UBE2E2: variants seen among roughly 807,000 people sequenced by gnomAD.
UBE2E2 encodes the protein ubiquitin-conjugating enzyme E2 E2.
A neutral mutation model predicts 24.7 loss-of-function variants in UBE2E2; 6 were observed. The ratio of observed to expected loss-of-function variants is 0.24; its 90% CI spans 0.13 to 0.48. The LOEUF is 0.48. Ranked by LOEUF, UBE2E2 falls within the 20% of genes least tolerant of loss-of-function variation. The pLI is 0.99. For missense variants in UBE2E2, 169 were observed against 245.0 expected (o/e 0.69, Z 2.07); for synonymous variants, 104 against 83.6 (o/e 1.24, Z -1.33).
intron 3 of UBE2E2, among the ~76,000 whole-genome samples, chr3:23,327,376 T>C (rs1286089343): frequency 6.6e-6 from 1 of 152,222 alleles, no homozygotes; most frequent in African/African-American, 2.4e-5. Flanking sequence ...CTAACTGGTG[T>C]GAGATGATAT....
chr3:23,324,413 A>C (rs1353697293), intron 3 of UBE2E2, among the ~76,000 whole-genome samples: 2 of 152,166 alleles, frequency 1.3e-5, no homozygotes, highest in Non-Finnish European at 2.9e-5. Context: ...GGGAATTTAA[A>C]AGGGAAGCAT....
chr3:23,516,108 A>C (rs760972102), intron 4 of UBE2E2, among the ~76,000 whole-genome samples: 1 of 152,208 alleles, frequency 6.6e-6, no homozygotes, highest in Non-Finnish European at 1.5e-5. Context: ...GGAAATTCAG[A>C]AACAGTTGTA....
At chr3:23,352,335 A>G (rs1414175407) in intron 3 of UBE2E2, among the ~76,000 whole-genome samples, 3 of 152,198 alleles carry the variant, frequency 2.0e-5, no homozygotes, top group Admixed American at 1.3e-4. Context: ...TAGAAAAACA[A>G]GAGCAAACAC....
At chr3:23,295,299 T>A (rs1239730788) in intron 3 of UBE2E2, among the ~76,000 whole-genome samples, 1 of 152,234 alleles carries the variant, frequency 6.6e-6, no homozygotes, top group Non-Finnish European at 1.5e-5. Flanking sequence ...TTTATTTTTT[T>A]ATTTTTGTTT....
intron 3 of UBE2E2, among the ~76,000 whole-genome samples, chr3:23,261,252 G>A (rs1471696612): frequency 6.6e-6 from 1 of 151,608 alleles, no homozygotes; most frequent in African/African-American, 2.4e-5. Context: ...AGAAATTCAG[G>A]GTCATTTGGA....
chr3:23,209,076 A>G (rs915357838), intron 2 of UBE2E2, among the ~76,000 whole-genome samples: 2 of 152,216 alleles, frequency 1.3e-5, no homozygotes, highest in African/African-American at 2.4e-5. Flanking sequence ...TGGCAAGGCA[A>G]ATTCATAACA....
intron 3 of UBE2E2, among the ~76,000 whole-genome samples, chr3:23,433,981 T>C (rs1698125140): frequency 6.6e-6 from 1 of 152,116 alleles, no homozygotes; most frequent in Non-Finnish European, 1.5e-5. Flanking sequence ...GAACTATTTA[T>C]AATATAGTGA....
intron 3 of UBE2E2, among the ~76,000 whole-genome samples, chr3:23,417,519 C>A (rs980844282): frequency 1.3e-5 from 2 of 152,184 alleles, no homozygotes; most frequent in Non-Finnish European, 2.9e-5. Context: ...AGTCAGGAGG[C>A]ATGGGGGTTG....
chr3:23,264,061 T>A (rs1158558144), intron 3 of UBE2E2, among the ~76,000 whole-genome samples: 1 of 152,132 alleles, frequency 6.6e-6, no homozygotes, highest in Non-Finnish European at 1.5e-5. Flanking sequence ...ATTCTTACAT[T>A]AATCGTATGA....
At position 23,410,746 on chromosome 3, in the gene UBE2E2, A is replaced by T. The variant is rs367617471; in HGVS notation, c.228-88862A>T. ...ATAAGGTAAAAGCAGAAAACATCAA[A>T]TGTCCCCTACTCTCAAGACATTTAT... On this transcript the variant is annotated intron_variant, in intron 3 of 5. Transcript: ENST00000396703. Among the ~76,000 whole-genome samples the T allele has an allele frequency of 1.6e-4, 24 of 152,302 alleles. No homozygotes were observed. The South Asian group carries it at 4.8e-3, about 30-fold the overall frequency.
chr3:23,215,827 C>T (rs1206436170), intron 2 of UBE2E2, among the ~76,000 whole-genome samples: 2 of 152,156 alleles, frequency 1.3e-5, no homozygotes, highest in East Asian at 3.8e-4. Flanking sequence ...TTAACCTGGA[C>T]TTAGCCACTG....
chr3:23,342,438 A>G (rs1341331154), intron 3 of UBE2E2, among the ~76,000 whole-genome samples: 1 of 152,182 alleles, frequency 6.6e-6, no homozygotes, highest in African/African-American at 2.4e-5. Flanking sequence ...GGGATATGAT[A>G]GGAGAGCTCT....
chr3:23,268,498 A>G, intron 3 of UBE2E2, among the ~76,000 whole-genome samples: 1 of 150,468 alleles, frequency 6.6e-6, no homozygotes, highest in Admixed American at 6.6e-5. Context: ...CTTACAAGGG[A>G]TGTGAAGGAC....
chr3:23,564,322 T>A (rs536316424), intron 5 of UBE2E2, among the ~76,000 whole-genome samples: 2 of 152,132 alleles, frequency 1.3e-5, no homozygotes, highest in South Asian at 4.1e-4. Flanking sequence ...TATAGAAAAA[T>A]AGGTGGAGCT....
intron 4 of UBE2E2, among the ~76,000 whole-genome samples, chr3:23,500,176 T>C (rs190626792): frequency 5.3e-5 from 8 of 152,282 alleles, no homozygotes; most frequent in Admixed American, 4.6e-4. Flanking sequence ...GCACCAGCTA[T>C]GGAGGTTTGA....
At chr3:23,306,921 G>T (rs1204073289) in intron 3 of UBE2E2, among the ~76,000 whole-genome samples, 1 of 152,068 alleles carries the variant, frequency 6.6e-6, no homozygotes, top group African/African-American at 2.4e-5. Flanking sequence ...TTCAGCAAGA[G>T]ATTAAGCAAA....
chr3:23,312,927 G>C (rs1006938295), intron 3 of UBE2E2, among the ~76,000 whole-genome samples: 8 of 151,918 alleles, frequency 5.3e-5, no homozygotes, highest in Admixed American at 2.6e-4. Context: ...TTGATTTCTA[G>C]TTTTACTCTA....
intron 5 of UBE2E2, among the ~76,000 whole-genome samples, chr3:23,581,868 G>A (rs1696485204): frequency 6.6e-6 from 1 of 152,072 alleles, no homozygotes; most frequent in African/African-American, 2.4e-5. Flanking sequence ...ATTTCCTCAG[G>A]ATTCACTTTC....
chr3:23,518,214 G>A (rs1357717506), intron 4 of UBE2E2, among the ~76,000 whole-genome samples: 2 of 152,114 alleles, frequency 1.3e-5, no homozygotes, highest in Non-Finnish European at 2.9e-5. Flanking sequence ...TGGAAGTAGA[G>A]ACTGAAGAAA....
Sources: allele counts gnomAD v4.1 joint callset (sites outside exome capture counted in the v4.1 genomes callset), GRCh38; gene constraint gnomAD v4.1.1; transcripts MANE v1.5; gene names NCBI Gene and HGNC (gene_info 2026-07-23, HGNC 2026-07-21).